ASPH: variants seen among roughly 807,000 people sequenced by gnomAD.
ASPH encodes the protein aspartyl/asparaginyl beta-hydroxylase.
In ASPH, 100 loss-of-function variants were observed where a neutral mutation model predicts 118.4. That is an observed-to-expected ratio of 0.84 (90% CI 0.72 to 1.00). The LOEUF is 1.00. Ranked by LOEUF, ASPH falls within the 50% of genes least tolerant of loss-of-function variation. The probability of loss-of-function intolerance (pLI) is 0.00; values close to 1 mark genes in which losing one functional copy is unlikely to be tolerated. For synonymous variants in ASPH, 315 were observed against 325.6 expected, an observed-to-expected ratio of 0.97 and a Z score of 0.35; for missense variants, 920 against 919.5, an observed-to-expected ratio of 1.00 and a Z score of -0.01.
At chr8:61,603,553 T>C (rs1027589141) in intron 14 of ASPH, among the ~76,000 whole-genome samples, 4 of 152,242 alleles carry the variant, frequency 2.6e-5, no homozygotes, top group Non-Finnish European at 5.9e-5. Flanking sequence ...TCTGACCTGT[T>C]TGTCTAAATT....
At chr8:61,673,592 T>C (rs1212905156) in intron 3 of ASPH, among the ~76,000 whole-genome samples, 2 of 152,094 alleles carry the variant, frequency 1.3e-5, no homozygotes, top group Non-Finnish European at 2.9e-5. Context: ...ACATTCAAAT[T>C]AATGGGATAT....
rs111374706 is a variant in ASPH at position 61,610,931 on chromosome 8, A to C, written c.976+8047T>G. 2.4e-4 allele frequency among the ~76,000 whole-genome samples: 36 copies of C among 152,368 alleles called. 1 individual carries two copies. Among genetic ancestry groups the C allele is most frequent in the Admixed American group, 4.6e-4 (7 of 15,300 alleles). On this transcript the variant is annotated intron_variant, in intron 14 of 24. Coordinates refer to ENST00000379454, the MANE Select transcript of ASPH (RefSeq NM_004318.4). Reference sequence around the variant, plus strand: ...TGATGGCTTGATCAAGCCCATGTGCATCAATGGAATGGACCCTCAGAGACT... The same window carrying C: ...TGATGGCTTGATCAAGCCCATGTGCCTCAATGGAATGGACCCTCAGAGACT...
At chr8:61,598,407 C>G (rs943717649) in intron 14 of ASPH, among the ~76,000 whole-genome samples, 2 of 151,934 alleles carry the variant, frequency 1.3e-5, no homozygotes, top group Admixed American at 1.3e-4. Flanking sequence ...AAAAAAGAAA[C>G]AAAGAAGGTC....
rs1357808565 is a variant in ASPH, at chr8:61,525,343, A to AAC, written c.1900+632_1900+633dup. Among the ~76,000 whole-genome samples the AAC allele has an allele frequency of 1.6e-4, 23 of 144,210 alleles. 1 individual carries two copies. The highest frequency in any genetic ancestry group is 7.2e-4 in the Admixed American group (10 of 13,858). The allele number at this position is 144,210 out of a possible 152,430, so 94.6% of individuals were successfully genotyped here. A position where few individuals can be genotyped will look rare whatever the true frequency, so the allele number is the denominator to read the frequency against. ...TAGATGAATATATCAATTCACTGAA[A>AAC]ACACACACACACGCACACACACACA... On this transcript the variant is annotated intron_variant, in intron 22 of 24. Transcript: ENST00000379454.
At position 61,555,969 on chromosome 8, in the gene ASPH, G is replaced by T. The variant is rs998888612; in HGVS notation, c.1491C>A (p.Ile497=). The T allele has an allele frequency of 6.2e-7, 1 of 1,613,856 alleles. No individual in the cohort carries two copies. The highest frequency in any genetic ancestry group is 2.2e-5 in the East Asian group (1 of 44,880). ...CAGCAATTTTGTTCTGTGCCTTCAG[G>T]ATGAAGCCATAATGGACTTTAGCAA... is the stretch of plus-strand genomic sequence containing the variant. The part of the protein sequence containing the change: ...DGFAKVHYGF[I]LKAQNKIAES... Residue 497 remains isoleucine (I), a synonymous_variant, in exon 19 of 25, where the codon ATC becomes ATA. Transcript: ENST00000379454.
At chr8:61,671,030 AT>A (rs1022737063) in intron 3 of ASPH, among the ~76,000 whole-genome samples, 3 of 151,742 alleles carry the variant, frequency 2.0e-5, no homozygotes, top group Admixed American at 1.3e-4. Context: ...TTTATAACAG[AT>A]TTTTTTTTCC....
chr8:61,689,667 A>T (rs780307911), intron 1 of ASPH: 1 of 1,589,730 alleles, frequency 6.3e-7, no homozygotes, highest in Admixed American at 1.7e-5. Flanking sequence ...AATAACAAAA[A>T]TATACCTTTA....
chr8:61,547,652 C>T (rs1185840495), intron 21 of ASPH, among the ~76,000 whole-genome samples: 1 of 152,080 alleles, frequency 6.6e-6, no homozygotes, highest in Non-Finnish European at 1.5e-5. Flanking sequence ...CTTCTCACTA[C>T]ATTTTCTGTT....
At chr8:61,651,181 C>T in intron 4 of ASPH, 57 bp from the exon 5 acceptor site, 2 of 1,408,934 alleles carry the variant, frequency 1.4e-6, no homozygotes, top group South Asian at 2.3e-5. Flanking sequence ...ACATGGACCC[C>T]TAACACTCAA....
chr8:61,551,433 G>A (rs1295111943), intron 20 of ASPH, among the ~76,000 whole-genome samples: 1 of 152,178 alleles, frequency 6.6e-6, no homozygotes, highest in Admixed American at 6.5e-5. Context: ...CTAACATGGA[G>A]TTTCTACAGG....
intron 1 of ASPH, chr8:61,684,783 C>T (rs1332761832): frequency 6.6e-6 from 1 of 152,160 alleles, no homozygotes; most frequent in Non-Finnish European, 1.5e-5. Flanking sequence ...TGCTGTCCAC[C>T]TAAAGTGTCA....
intron 14 of ASPH, among the ~76,000 whole-genome samples, chr8:61,610,574 C>A (rs868179033): frequency 2.0e-5 from 3 of 152,192 alleles, no homozygotes; most frequent in Non-Finnish European, 4.4e-5. Context: ...AATGTAATGA[C>A]TACAATAAAT....
At chr8:61,659,138 T>C (rs1815390825) in intron 3 of ASPH, 1 of 152,248 alleles carries the variant, frequency 6.6e-6, no homozygotes, top group African/African-American at 2.4e-5. Flanking sequence ...GAGGGACTAG[T>C]GGGCTGTACT....
intron 1 of ASPH, chr8:61,689,815 C>A: frequency 6.8e-7 from 1 of 1,471,146 alleles, no homozygotes. Context: ...TGAGACTGGC[C>A]AATCCCTGCA....
intron 3 of ASPH, chr8:61,675,784 T>G: frequency 1.7e-6 from 2 of 1,188,818 alleles, no homozygotes; most frequent in Non-Finnish European, 2.1e-6. Context: ...ATACATGAGT[T>G]GAAACAAAAC....
intron 21 of ASPH, among the ~76,000 whole-genome samples, chr8:61,528,128 G>A (rs2129628583): frequency 6.6e-6 from 1 of 152,214 alleles, no homozygotes; most frequent in African/African-American, 2.4e-5. Flanking sequence ...TCCATGTTTA[G>A]GGCTCTGTTC....
chr8:61,644,692 C>A, intron 6 of ASPH, 60 bp from the exon 7 acceptor site: 1 of 1,284,590 alleles, frequency 7.8e-7, no homozygotes, highest in South Asian at 1.5e-5. Context: ...TGTATATATC[C>A]CGTATATGTA....
chr8:61,564,300 T>C (rs1205688191), intron 17 of ASPH, among the ~76,000 whole-genome samples: 3 of 149,326 alleles, frequency 2.0e-5, no homozygotes, highest in Admixed American at 6.7e-5. Context: ...GCTGATTCTT[T>C]TTTTTTTTTT....
chr8:61,591,520 C>T (rs1841133612), intron 14 of ASPH, among the ~76,000 whole-genome samples: 1 of 152,046 alleles, frequency 6.6e-6, no homozygotes, highest in Non-Finnish European at 1.5e-5. Context: ...TGGGGACACA[C>T]ATGGCAGAAT....
Sources: gnomAD v4.1 joint callset for allele counts (sites outside exome capture counted in the v4.1 genomes callset) on GRCh38, gnomAD v4.1.1 for gene constraint, MANE v1.5 for transcripts, NCBI Gene and HGNC (gene_info 2026-07-23, HGNC 2026-07-21) for gene names.